Variants in ABCA10 observed in about 807,000 individuals in gnomAD.
ABCA10 encodes ATP-binding cassette sub-family A member 10.
A neutral mutation model predicts 187.5 loss-of-function variants in ABCA10; 169 were observed. The observed-to-expected ratio is 0.90, with a 90% CI of 0.80 to 1.02. ABCA10 has a LOEUF of 1.02. Ranked by LOEUF, ABCA10 falls within the 50% of genes least tolerant of loss-of-function variation. The pLI is 0.00. For synonymous variants in ABCA10, 574 were observed against 601.8 expected, an observed-to-expected ratio of 0.95 and a Z score of 0.68; for missense variants, 1,727 against 1,812.4, an observed-to-expected ratio of 0.95 and a Z score of 0.86.
In ABCA10 at chr17:69,156,813, CAATT is replaced by C. The variant is rs774162775; in HGVS notation, c.3455+15_3455+18del. ...AAATATTTAGATTATATTCAGATCT[CAATT>C]AATATTTTCCCAACCTGAAAACTGG... On this transcript the variant is annotated intron_variant, in intron 28 of 38. Transcript: ENST00000690296. 3.7e-5 allele frequency: 52 copies of C among 1,404,870 alleles called. No individual in the cohort carries two copies. In the African/African-American group the frequency reaches 6.3e-4, roughly 17 times the overall value. The allele number at this position is 1,404,870 out of a possible 1,614,324, so 87.0% of individuals were successfully genotyped here.
chr17:69,204,852 G>A (rs1218283882), intron 9 of ABCA10, among the ~76,000 whole-genome samples: 4 of 152,216 alleles, frequency 2.6e-5, no homozygotes, highest in Admixed American at 1.3e-4. Context: ...AGATTGACCA[G>A]GCACAGTGGC....
At chr17:69,237,111 A>G (rs894229555) in intron 1 of ABCA10, among the ~76,000 whole-genome samples, 27 of 152,224 alleles carry the variant, frequency 1.8e-4, no homozygotes, top group African/African-American at 6.5e-4. Context: ...TATACTAGCC[A>G]CTTCTTACTC....
At chr17:69,151,814 C>T (rs1316568589) in intron 36 of ABCA10, among the ~76,000 whole-genome samples, 1 of 152,170 alleles carries the variant, frequency 6.6e-6, no homozygotes, top group Non-Finnish European at 1.5e-5. Flanking sequence ...CATTTACACA[C>T]ATATATGAAT....
rs767597130 is a variant in ABCA10 at position 69,193,212 on chromosome 17, G to T, written c.1678C>A (p.Pro560Thr). Residue 560 changes from proline to threonine, a missense_variant, in exon 15 of 39, where the codon CCC becomes ACC. Coordinates refer to ENST00000690296, the MANE Select transcript of ABCA10 (RefSeq NM_001377321.1). The stretch of plus-strand genomic sequence containing the variant: ...CTCCACACTCGGTGTCTTGAAAAGG[G>T]ATCCAATCCAGCAGTTGGTTCATCT... ...LLDEPTAGLDPFSRHRVWSLL... is the reference protein window; with the variant it reads ...LLDEPTAGLDTFSRHRVWSLL... 2 of 1,613,870 alleles carry T rather than the reference G, an allele frequency of 1.2e-6. No homozygotes were observed. Among genetic ancestry groups the T allele is most frequent in the East Asian group, 4.5e-5 (2 of 44,884 alleles).
chr17:69,237,957 T>C (rs1312645568), intron 1 of ABCA10, among the ~76,000 whole-genome samples: 2 of 152,060 alleles, frequency 1.3e-5, no homozygotes, highest in African/African-American at 4.8e-5. Flanking sequence ...GGTCAGGAGT[T>C]TGAGACCAGC....
Position 69,154,219 on chromosome 17 carries a change from T to C in ABCA10, c.3786+16A>G. On this transcript the variant is annotated intron_variant, in intron 31 of 38. Transcript: ENST00000690296. ...CATCAATATTTAAAATAAAATTTCC[T>C]TCACATGTCACATACCACTCCTGCA... is the stretch of plus-strand genomic sequence containing the variant. The C allele has an allele frequency of 6.3e-7, 1 of 1,578,722 alleles. No individual in the cohort carries two copies. The highest frequency in any genetic ancestry group is 8.6e-7 in the Non-Finnish European group (1 of 1,163,480).
chr17:69,219,036 T>G (rs2074726440), intron 6 of ABCA10, among the ~76,000 whole-genome samples: 1 of 152,150 alleles, frequency 6.6e-6, no homozygotes. Flanking sequence ...TTAATGAGAT[T>G]TTATTATATA....
At chr17:69,211,279 G>GGT (rs1259085811) in intron 9 of ABCA10, among the ~76,000 whole-genome samples, 2 of 115,802 alleles carry the variant, frequency 1.7e-5, no homozygotes, top group African/African-American at 6.1e-5. Context: ...AGTATCCTAT[G>GGT]GTATATATAT....
intron 9 of ABCA10, among the ~76,000 whole-genome samples, chr17:69,209,324 G>T (rs1436951316): frequency 6.6e-6 from 1 of 151,304 alleles, no homozygotes; most frequent in Non-Finnish European, 1.5e-5. Flanking sequence ...TCTAATTAGA[G>T]AATTCAATTC....
Position 69,219,924 on chromosome 17 carries a change from T to C in ABCA10, c.304-153A>G, listed in dbSNP as rs140943191. On this transcript the variant is annotated intron_variant, in intron 5 of 38. Coordinates refer to ENST00000690296, the MANE Select transcript of ABCA10 (RefSeq NM_001377321.1). ...TCAGAACAATCTTAATAACTTTTGA[T>C]ACCAATTGACATTAATTATAAGAGT... is the stretch of plus-strand genomic sequence containing the variant. 7.4e-3 allele frequency among the ~76,000 whole-genome samples: 1,131 copies of C among 152,334 alleles called. 9 individuals are homozygous for C. Among genetic ancestry groups the C allele is most frequent in the Non-Finnish European group, 0.011 (762 of 68,028 alleles).
In ABCA10 at chr17:69,210,821, TATATATATGCCACATATTTATGCCAC is replaced by T. The variant is rs987470325; in HGVS notation, c.1006+3857_1006+3882del. Among the ~76,000 whole-genome samples the T allele has an allele frequency of 1.9e-4, 26 of 135,416 alleles. 1 individual carries two copies. The highest frequency in any genetic ancestry group is 8.9e-4 in the African/African-American group (26 of 29,194). 88.8% of individuals were successfully genotyped at this position (135,416 alleles called of 152,430 possible). A position where few individuals can be genotyped will look rare whatever the true frequency, so the allele number is the denominator to read the frequency against. On this transcript the variant is annotated intron_variant, in intron 9 of 38. Transcript: ENST00000690296. ...ATATACAATGGCATATATATACATA[TATATATATGCCACATATTTATGCCAC>T]ATATATATATATATATATGCCATAT...
chr17:69,173,210 T>C (rs1003234480), intron 25 of ABCA10, among the ~76,000 whole-genome samples: 3 of 152,202 alleles, frequency 2.0e-5, no homozygotes, highest in African/African-American at 7.2e-5. Context: ...TTGACCATTG[T>C]AGTACAACCA....
intron 25 of ABCA10, among the ~76,000 whole-genome samples, chr17:69,167,501 AC>A (rs2074262157): frequency 6.6e-6 from 1 of 152,204 alleles, no homozygotes; most frequent in Non-Finnish European, 1.5e-5. Flanking sequence ...AGAACTAAAC[AC>A]AGAAATAAAA....
At position 69,210,558 on chromosome 17, in the gene ABCA10, T is replaced by C. The variant is rs113768388; in HGVS notation, c.1006+4146A>G. The stretch of plus-strand genomic sequence containing the variant: ...AGTATACACTGCATCCAATGTGTAG[T>C]CTTTTATCCTTCAACCCCTCATCCT... On this transcript the variant is annotated intron_variant, in intron 9 of 38. Transcript: ENST00000690296. Among the ~76,000 whole-genome samples the C allele has an allele frequency of 2.6e-3, 388 of 151,348 alleles. 3 individuals are homozygous for C. The highest frequency in any genetic ancestry group is 0.017 in the Middle Eastern group (5 of 292).
At chr17:69,148,991 G>C (rs1428134427) in intron 38 of ABCA10, 42 bp downstream of exon 38, 9 of 1,613,338 alleles carry the variant, frequency 5.6e-6, no homozygotes, top group Non-Finnish European at 6.8e-6. Flanking sequence ...GATTCACACA[G>C]AGGTCATCTG....
chr17:69,154,130 T>C lies in ABCA10; in HGVS notation c.3786+105A>G, dbSNP rs145891525. ...TTTTGAATACGCAAGAGAAATTTTA[T>C]AAATTCTTTCATCTATTTTTTAAAA... On this transcript the variant is annotated intron_variant, in intron 31 of 38. Transcript: ENST00000690296. The C allele has an allele frequency of 1.0e-3, 1,509 of 1,442,912 alleles. 16 individuals are homozygous for C. The African/African-American group carries it at 0.02, about 19-fold the overall frequency. The allele number at this position is 1,442,912 out of a possible 1,614,324, so 89.4% of individuals were successfully genotyped here.
chr17:69,196,433 G>A (rs1022862754), intron 11 of ABCA10: 5 of 182,840 alleles, frequency 2.7e-5, no homozygotes, highest in East Asian at 1.8e-4. Context: ...GGGCAGAGGC[G>A]CTCCCCACAT....
intron 1 of ABCA10, among the ~76,000 whole-genome samples, chr17:69,240,407 A>G (rs746015186): frequency 6.6e-6 from 1 of 152,206 alleles, no homozygotes; most frequent in Non-Finnish European, 1.5e-5. Context: ...TCTCAGAGGC[A>G]GGAGAAATAA....
chr17:69,230,850 T>C (rs1325942058), upstream of ABCA10, among the ~76,000 whole-genome samples: 11 of 152,250 alleles, frequency 7.2e-5, no homozygotes, highest in East Asian at 1.4e-3. Context: ...GGTTATCTCT[T>C]TTTATTTTAT....
Sources: allele counts gnomAD v4.1 joint callset (sites outside exome capture counted in the v4.1 genomes callset), GRCh38; gene constraint gnomAD v4.1.1; transcripts MANE v1.5; gene names NCBI Gene and HGNC (gene_info 2026-07-23, HGNC 2026-07-21).